GADL1: variants seen among roughly 807,000 people sequenced by gnomAD.
GADL1 encodes the protein GAD like acidic amino acid decarboxylase 1, also known as acidic amino acid decarboxylase GADL1.
A neutral mutation model predicts 69.5 loss-of-function variants in GADL1; 71 were observed. That is an observed-to-expected ratio of 1.02 (90% CI 0.84 to 1.25). The LOEUF (loss-of-function observed/expected upper bound fraction) is 1.25, where lower values mean the gene tolerates loss of function less well. GADL1 is among the 50% of genes most tolerant of loss of function. GADL1 has a pLI of 0.00. For missense variants in GADL1, 737 were observed against 631.8 expected (o/e 1.17, Z -1.79); for synonymous variants, 254 against 214.4 (o/e 1.18, Z -1.62).
At chr3:30,829,732 T>G (rs5004864) in intron 11 of GADL1, among the ~76,000 whole-genome samples, 15,586 of 151,662 alleles carry the variant, frequency 0.1, 1,916 homozygotes, top group East Asian at 0.32. Context: ...TATTAGTGGG[T>G]TTTTTTTCCC....
intron 14 of GADL1, among the ~76,000 whole-genome samples, chr3:30,748,633 C>A (rs7647434): frequency 0.14 from 21,235 of 152,174 alleles, 3,981 homozygotes; most frequent in African/African-American, 0.43. Flanking sequence ...AAAATTTAAA[C>A]ATTTTCTGGA....
intron 12 of GADL1, among the ~76,000 whole-genome samples, chr3:30,789,701 A>G (rs377153242): frequency 6.6e-6 from 1 of 152,306 alleles, no homozygotes; most frequent in African/African-American, 2.4e-5. Flanking sequence ...CAGTTTCTCC[A>G]TGAGCATTTG....
At chr3:30,788,403 A>G (rs1696843778) in intron 12 of GADL1, among the ~76,000 whole-genome samples, 1 of 152,316 alleles carries the variant, frequency 6.6e-6, no homozygotes, top group African/African-American at 2.4e-5. Context: ...ACATGCCGTG[A>G]CTAAAAATAC....
chr3:30,763,828 C>T (rs1159957488), intron 14 of GADL1, among the ~76,000 whole-genome samples: 1 of 151,836 alleles, frequency 6.6e-6, no homozygotes, highest in Non-Finnish European at 1.5e-5. Context: ...CCTTAGTCAG[C>T]TTTTGACCAG....
chr3:30,810,276 G>A (rs1014995290), intron 11 of GADL1, among the ~76,000 whole-genome samples: 1 of 152,122 alleles, frequency 6.6e-6, no homozygotes, highest in Admixed American at 6.5e-5. Flanking sequence ...TCTCGCTTCA[G>A]TTAATTGATA....
chr3:30,839,526 A>AAAAAAAAAAAAAAAG (rs1559357609), intron 8 of GADL1, among the ~76,000 whole-genome samples: 7 of 151,342 alleles, frequency 4.6e-5, no homozygotes, highest in African/African-American at 1.7e-4. Flanking sequence ...AAAAAAAAAA[A>AAAAAAAAAAAAAAAG]AGGTTGGAAG....
intron 11 of GADL1, among the ~76,000 whole-genome samples, chr3:30,818,934 A>G (rs1697522676): frequency 6.6e-6 from 1 of 152,054 alleles, no homozygotes; most frequent in Non-Finnish European, 1.5e-5. Context: ...CCCTATTTCC[A>G]GGCTTCATTG....
intron 1 of GADL1, among the ~76,000 whole-genome samples, chr3:30,864,291 T>A (rs1381255100): frequency 6.6e-6 from 1 of 151,948 alleles, no homozygotes; most frequent in African/African-American, 2.4e-5. Context: ...TTCAAGCTTT[T>A]ATTACCCAGG....
Position 30,796,647 on chromosome 3 carries a change from T to C in GADL1, c.1250+4242A>G, listed in dbSNP as rs192031212. The stretch of plus-strand genomic sequence containing the variant: ...CACTCTTTGCATCCATCTTCCTCCA[T>C]AGGAATAAACCCAACCTGAAGGAAA... On this transcript the variant is annotated intron_variant, in intron 12 of 14. Coordinates refer to ENST00000282538, the MANE Select transcript of GADL1 (RefSeq NM_207359.3). 8.5e-5 allele frequency among the ~76,000 whole-genome samples: 13 copies of C among 152,240 alleles called. No homozygotes were observed. The South Asian group carries it at 2.1e-3, about 24-fold the overall frequency.
chr3:30,852,149 C>T lies in GADL1; in HGVS notation c.429-1208G>A, dbSNP rs79592077. 9.9e-3 allele frequency among the ~76,000 whole-genome samples: 1,505 copies of T among 152,238 alleles called. 24 individuals are homozygous for T. Among genetic ancestry groups the T allele is most frequent in the African/African-American group, 0.035 (1,437 of 41,544 alleles). On this transcript the variant is annotated intron_variant, in intron 4 of 14. Coordinates refer to ENST00000282538, the MANE Select transcript of GADL1 (RefSeq NM_207359.3). ...TGGATTGAGGCATAAAAGCTGGTCA[C>T]CTACTATGTATCACCTACTATTTAT...
intron 14 of GADL1, among the ~76,000 whole-genome samples, chr3:30,755,831 T>TTTTTC (rs1553635912): frequency 3.9e-4 from 60 of 151,912 alleles, no homozygotes; most frequent in Non-Finnish European, 7.8e-4. Flanking sequence ...GTACTTTTTT[T>TTTTTC]CCTACCAAGA....
At chr3:30,800,488 T>G (rs187240179) in intron 12 of GADL1, 60 of 196,002 alleles carry the variant, frequency 3.1e-4, no homozygotes, top group Non-Finnish European at 6.0e-4. Context: ...CAATACCACC[T>G]TCTCTTCATT....
intron 9 of GADL1, 30 bp from the exon 10 acceptor site, chr3:30,834,311 T>C: frequency 1.3e-6 from 2 of 1,582,988 alleles, no homozygotes. Flanking sequence ...ACCAGAACAA[T>C]GTTATTTCAA....
At chr3:30,872,801 CTG>C (rs1375980812) in intron 1 of GADL1, among the ~76,000 whole-genome samples, 1 of 151,930 alleles carries the variant, frequency 6.6e-6, no homozygotes, top group Non-Finnish European at 1.5e-5. Context: ...ATTCTGCACT[CTG>C]TGAAACTAGA....
In GADL1 at chr3:30,743,664, G is replaced by A. The variant is rs529927253; in HGVS notation, c.1393-15249C>T. Reference sequence around the variant, plus strand: ...CACACTCTGATTCCCTGAGTGGATGGTTAGGAGCATGGGTGTTTTCTAGTT... The same window carrying A: ...CACACTCTGATTCCCTGAGTGGATGATTAGGAGCATGGGTGTTTTCTAGTT... On this transcript the variant is annotated intron_variant, in intron 14 of 14. Transcript: ENST00000282538. 7.2e-5 allele frequency among the ~76,000 whole-genome samples: 11 copies of A among 152,310 alleles called. No individual in the cohort carries two copies. In the East Asian group the frequency reaches 2.1e-3, roughly 29 times the overall value.
rs1698025538 is a variant in GADL1, at chr3:30,844,648, G to A, written c.652-182C>T. ...GTTGAGAACATTCACTTTGGGGTCAGAGAAACCAGGATTGAACGTCAAGTA... is the reference window on the plus strand; with the variant it reads ...GTTGAGAACATTCACTTTGGGGTCAAAGAAACCAGGATTGAACGTCAAGTA... On this transcript the variant is annotated intron_variant, in intron 6 of 14. Transcript: ENST00000282538. Among the ~76,000 whole-genome samples, 6 of 152,196 alleles carry A rather than the reference G, an allele frequency of 3.9e-5. No homozygotes were observed. The South Asian group carries it at 1.2e-3, about 32-fold the overall frequency.
rs1695406022 is a variant in GADL1 at position 30,728,538 on chromosome 3, A to G, written c.1393-123T>C. On this transcript the variant is annotated intron_variant, in intron 14 of 14. Transcript: ENST00000282538. Reference sequence around the variant, plus strand: ...TGGTTTGGATCCCATTCTCATTCACACAAGGTTGACACTAATAATAATAAT... The same window carrying G: ...TGGTTTGGATCCCATTCTCATTCACGCAAGGTTGACACTAATAATAATAAT... 7.5e-6 allele frequency: 5 copies of G among 665,000 alleles called. No individual in the cohort carries two copies. The East Asian group carries it at 1.4e-4, about 18-fold the overall frequency. 41.2% of individuals were successfully genotyped at this position (665,000 alleles called of 1,614,324 possible). A position where few individuals can be genotyped will look rare whatever the true frequency, so the allele number is the denominator to read the frequency against.
At chr3:30,831,972 T>G (rs1697799811) in intron 11 of GADL1, among the ~76,000 whole-genome samples, 1 of 151,812 alleles carries the variant, frequency 6.6e-6, no homozygotes, top group East Asian at 2.0e-4. Context: ...CTCTGGGGAA[T>G]ATGTCTGTCT....
intron 14 of GADL1, among the ~76,000 whole-genome samples, chr3:30,766,177 G>T (rs1575193352): frequency 6.6e-6 from 1 of 152,188 alleles, no homozygotes; most frequent in Non-Finnish European, 1.5e-5. Context: ...AGGCCTCCAG[G>T]AGGAAATTGA....
Sources: gnomAD v4.1 joint callset for allele counts (sites outside exome capture counted in the v4.1 genomes callset) on GRCh38, gnomAD v4.1.1 for gene constraint, MANE v1.5 for transcripts, NCBI Gene and HGNC (gene_info 2026-07-23, HGNC 2026-07-21) for gene names.